Variants in BCR observed in about 807,000 individuals in gnomAD.
BCR encodes breakpoint cluster region protein.
In BCR, 58 loss-of-function variants were observed where a neutral mutation model predicts 138.6. That is an observed-to-expected ratio of 0.42 (90% CI 0.34 to 0.52). BCR has a LOEUF of 0.52. Ranked by LOEUF, BCR falls within the 20% of genes least tolerant of loss-of-function variation. BCR has a pLI of 0.06. For synonymous variants in BCR, 786 were observed against 730.1 expected (o/e 1.08, Z -1.23); for missense variants, 1,599 against 1,727.2 (o/e 0.93, Z 1.32).
At chr22:23,252,073 A>G (rs985623771) in intron 1 of BCR, among the ~76,000 whole-genome samples, 6 of 152,202 alleles carry the variant, frequency 3.9e-5, no homozygotes, top group African/African-American at 1.4e-4. Flanking sequence ...GATAGTCCCA[A>G]CAGGCAGGGG....
chr22:23,250,511 G>A (rs922780139), intron 1 of BCR, among the ~76,000 whole-genome samples: 1 of 152,218 alleles, frequency 6.6e-6, no homozygotes, highest in Non-Finnish European at 1.5e-5. Flanking sequence ...AAGAACCCAT[G>A]AGTGTATTCT....
rs1569232645 is a variant in BCR, at chr22:23,180,896, C to CT, written c.-65_-64insT. On this transcript the variant is annotated 5_prime_UTR_variant, in exon 1 of 23. The change abolishes the stop of an existing upstream ORF in the 5' untranslated region. Coordinates refer to ENST00000305877, the MANE Select transcript of BCR (RefSeq NM_004327.4). Reference sequence around the variant, plus strand: ...GGCGCCCGGGGCCGGGCTGGCGAGGCGCCGCGCCGCCGCTGAGACGGGCCC... The same window carrying CT: ...GGCGCCCGGGGCCGGGCTGGCGAGGCTGCCGCGCCGCCGCTGAGACGGGCCC... 1 of 843,694 alleles carries CT rather than the reference C, an allele frequency of 1.2e-6. No homozygotes were observed. Among genetic ancestry groups the CT allele is most frequent in the Non-Finnish European group, 1.3e-6 (1 of 765,326 alleles). 52.3% of individuals were successfully genotyped at this position (843,694 alleles called of 1,614,324 possible). A position where few individuals can be genotyped will look rare whatever the true frequency, so the allele number is the denominator to read the frequency against.
At chr22:23,194,973 A>G (rs9624048) in intron 1 of BCR, among the ~76,000 whole-genome samples, 38,633 of 151,880 alleles carry the variant, frequency 0.25, 5,069 homozygotes, top group East Asian at 0.35. Flanking sequence ...ATAAATACAC[A>G]TAAAAACCAT....
chr22:23,182,627 C>T (rs1196957294), intron 1 of BCR, among the ~76,000 whole-genome samples: 2 of 152,202 alleles, frequency 1.3e-5, no homozygotes, highest in African/African-American at 4.8e-5. Flanking sequence ...TCATCTCTAG[C>T]GCCCACATCG....
intron 1 of BCR, among the ~76,000 whole-genome samples, chr22:23,183,018 C>T (rs1186147897): frequency 1.3e-5 from 2 of 152,220 alleles, no homozygotes; most frequent in African/African-American, 4.8e-5. Context: ...TGCTGACCCT[C>T]CAGTGTGCTC....
chr22:23,274,217 A>C (rs1458562675), intron 8 of BCR, among the ~76,000 whole-genome samples: 3 of 152,164 alleles, frequency 2.0e-5, no homozygotes, highest in African/African-American at 7.2e-5. Context: ...TAAGGATTAG[A>C]AAGTGGGGTT....
intron 8 of BCR, among the ~76,000 whole-genome samples, chr22:23,276,515 C>T (rs1381556886): frequency 1.3e-5 from 2 of 152,148 alleles, no homozygotes; most frequent in African/African-American, 4.8e-5. Context: ...GAGGAGGGGT[C>T]ACCTGGGTGC....
intron 8 of BCR, among the ~76,000 whole-genome samples, chr22:23,275,438 G>A (rs572092577): frequency 7.9e-5 from 12 of 152,320 alleles, no homozygotes; most frequent in South Asian, 2.1e-4. Flanking sequence ...GGCAGTCCTC[G>A]CCATCCGTGT....
At chr22:23,256,443 C>T (rs1243127960) in intron 2 of BCR, among the ~76,000 whole-genome samples, 1 of 152,128 alleles carries the variant, frequency 6.6e-6, no homozygotes, top group Non-Finnish European at 1.5e-5. Context: ...CAACCTGCAG[C>T]CCCAGGACCC....
At chr22:23,293,090 C>T (rs1238151918) in intron 15 of BCR, among the ~76,000 whole-genome samples, 2 of 151,856 alleles carry the variant, frequency 1.3e-5, no homozygotes, top group African/African-American at 2.4e-5. Flanking sequence ...TATTGTGTGT[C>T]GCCGTGCCTT....
At chr22:23,311,590 G>A (rs541964463) in intron 18 of BCR, 107 bp from the exon 19 acceptor site, 28 of 896,356 alleles carry the variant, frequency 3.1e-5, no homozygotes, top group Middle Eastern at 6.8e-4. Context: ...GGGTACCTTC[G>A]TCACCGTCCT....
chr22:23,313,332 T>C (rs867440905), intron 20 of BCR, among the ~76,000 whole-genome samples: 233 of 132,004 alleles, frequency 1.8e-3, no homozygotes, highest in African/African-American at 2.3e-3. Flanking sequence ...GGAGGGTGCC[T>C]GGGTGCTCTT....
intron 8 of BCR, 105 bp from the exon 9 acceptor site, chr22:23,283,872 G>T (rs1477639212): frequency 2.1e-6 from 3 of 1,396,338 alleles, no homozygotes; most frequent in South Asian, 1.5e-5. Context: ...TTCCCAGGGA[G>T]AGAATGTCTC....
intron 4 of BCR, chr22:23,263,338 A>C: frequency 8.4e-7 from 1 of 1,196,640 alleles, no homozygotes; most frequent in South Asian, 1.3e-5. Context: ...CTCCGGCGCC[A>C]GATAGCCTGG....
chr22:23,292,776 G>C, intron 15 of BCR, 138 bp downstream of exon 15: 1 of 659,764 alleles, frequency 1.5e-6, no homozygotes, highest in Non-Finnish European at 2.5e-6. Flanking sequence ...GAATCTCCTG[G>C]GGGGCCAGTA....
chr22:23,282,135 A>G (rs1287862774), intron 8 of BCR, among the ~76,000 whole-genome samples: 1 of 152,246 alleles, frequency 6.6e-6, no homozygotes, highest in African/African-American at 2.4e-5. Flanking sequence ...CCCTGCCAAG[A>G]GGACCTACTG....
Position 23,303,280 on chromosome 22 carries a change from A to G in BCR, c.3013-6144A>G, listed in dbSNP as rs777950401. ...CCACGTTTACTTTCCAGCAGCAGAG[A>G]CAAACATAAGCCAAAATAAAGATCA... On this transcript the variant is annotated intron_variant, in intron 16 of 22. Transcript: ENST00000305877. Among the ~76,000 whole-genome samples, 69 of 152,338 alleles carry G rather than the reference A, an allele frequency of 4.5e-4. 1 individual carries two copies. The highest frequency in any genetic ancestry group is 1.8e-3 in the Admixed American group (27 of 15,304).
intron 12 of BCR, 25 bp from the exon 13 acceptor site, chr22:23,289,492 G>A: frequency 6.3e-7 from 1 of 1,592,628 alleles, no homozygotes; most frequent in Non-Finnish European, 8.6e-7. Flanking sequence ...TGACCAATTG[G>A]TGCACCTCTT....
At chr22:23,206,135 C>G (rs2072610250) in intron 1 of BCR, among the ~76,000 whole-genome samples, 1 of 152,206 alleles carries the variant, frequency 6.6e-6, no homozygotes, top group African/African-American at 2.4e-5. Context: ...TCCCTGTTTC[C>G]TGCTGCTTCC....
Sources: allele counts gnomAD v4.1 joint callset (sites outside exome capture counted in the v4.1 genomes callset), GRCh38; gene constraint gnomAD v4.1.1; transcripts MANE v1.5; gene names NCBI Gene and HGNC (gene_info 2026-07-23, HGNC 2026-07-21).